PHACTR3: variants seen among roughly 807,000 people sequenced by gnomAD.
The protein encoded by PHACTR3 is phosphatase and actin regulator 3.
A neutral mutation model predicts 66.8 loss-of-function variants in PHACTR3; 16 were observed. The ratio of observed to expected loss-of-function variants is 0.24; its 90% CI spans 0.16 to 0.36. The LOEUF (loss-of-function observed/expected upper bound fraction) is 0.36. PHACTR3 is among the 10% of genes least tolerant of loss of function. PHACTR3 has a pLI of 1.00. For missense variants in PHACTR3, 647 were observed against 719.9 expected (o/e 0.90, Z 1.16); for synonymous variants, 323 against 292.1 (o/e 1.11, Z -1.08).
intron 4 of PHACTR3, among the ~76,000 whole-genome samples, chr20:59,764,989 G>T (rs993042492): frequency 6.6e-6 from 1 of 152,136 alleles, no homozygotes. Flanking sequence ...AAGAATGAGG[G>T]TGTCCACTTG....
chr20:59,814,122 C>T (rs1243857793), intron 8 of PHACTR3, among the ~76,000 whole-genome samples: 1 of 152,208 alleles, frequency 6.6e-6, no homozygotes, highest in Non-Finnish European at 1.5e-5. Flanking sequence ...CGAGAAGCAG[C>T]CAGGGCTCCC....
At chr20:59,618,195 CAA>C (rs1028598803) in intron 1 of PHACTR3, among the ~76,000 whole-genome samples, 3 of 152,222 alleles carry the variant, frequency 2.0e-5, no homozygotes, top group Admixed American at 2.0e-4. Context: ...GAGCCAGAGG[CAA>C]GAGAGAAGCA....
At chr20:59,770,310 G>A (rs976861467) in intron 5 of PHACTR3, among the ~76,000 whole-genome samples, 1 of 152,234 alleles carries the variant, frequency 6.6e-6, no homozygotes, top group Non-Finnish European at 1.5e-5. Context: ...TTCCTGCACA[G>A]ACTACATTTT....
chr20:59,658,071 A>G (rs2035681932), intron 1 of PHACTR3, among the ~76,000 whole-genome samples: 2 of 152,052 alleles, frequency 1.3e-5, no homozygotes, highest in Admixed American at 6.6e-5. Flanking sequence ...TTTTCTACCA[A>G]TTCAACAAAG....
At chr20:59,840,097 A>G (rs562143950) in intron 9 of PHACTR3, among the ~76,000 whole-genome samples, 2 of 152,324 alleles carry the variant, frequency 1.3e-5, no homozygotes, top group South Asian at 4.1e-4. Flanking sequence ...AACAGCAGCC[A>G]TATCTGTGGT....
intron 1 of PHACTR3, among the ~76,000 whole-genome samples, chr20:59,734,698 G>A (rs141510400): frequency 4.1e-4 from 62 of 152,182 alleles, no homozygotes; most frequent in African/African-American, 1.4e-3. Flanking sequence ...AATTTTATAT[G>A]TGGAAATTTT....
At chr20:59,821,368 G>C (rs1026501482) in intron 8 of PHACTR3, among the ~76,000 whole-genome samples, 7 of 152,152 alleles carry the variant, frequency 4.6e-5, no homozygotes, top group Non-Finnish European at 8.8e-5. Context: ...CCTTATGCCG[G>C]TGTTGATCCT....
intron 1 of PHACTR3, among the ~76,000 whole-genome samples, chr20:59,653,450 C>T (rs2035523222): frequency 6.6e-6 from 1 of 152,106 alleles, no homozygotes; most frequent in South Asian, 2.1e-4. Flanking sequence ...CCCAAAAGTG[C>T]TAGGATTACA....
intron 1 of PHACTR3, among the ~76,000 whole-genome samples, chr20:59,670,245 G>T (rs1007070815): frequency 6.6e-6 from 1 of 152,230 alleles, no homozygotes; most frequent in African/African-American, 2.4e-5. Flanking sequence ...GGAAGAAGGA[G>T]TGATGGGTGC....
chr20:59,841,872 C>T (rs2059069636), intron 11 of PHACTR3, among the ~76,000 whole-genome samples: 1 of 152,016 alleles, frequency 6.6e-6, no homozygotes, highest in Admixed American at 6.6e-5. Flanking sequence ...TATCTAGTAC[C>T]AAATGTCAAG....
intron 1 of PHACTR3, among the ~76,000 whole-genome samples, chr20:59,688,379 G>C (rs1238570629): frequency 6.6e-6 from 1 of 152,168 alleles, no homozygotes; most frequent in Middle Eastern, 3.2e-3. Context: ...CTTATCCCTG[G>C]TGGAACAGCA....
chr20:59,797,384 G>T, intron 7 of PHACTR3, among the ~76,000 whole-genome samples: 1 of 151,294 alleles, frequency 6.6e-6, no homozygotes, highest in Non-Finnish European at 1.5e-5. Flanking sequence ...TTTTTTGGCA[G>T]CATCATGTTT....
At chr20:59,822,828 C>T (rs1324918322) in intron 8 of PHACTR3, among the ~76,000 whole-genome samples, 1 of 152,192 alleles carries the variant, frequency 6.6e-6, no homozygotes, top group African/African-American at 2.4e-5. Flanking sequence ...GTGGAACAGC[C>T]GCCAGGGCAG....
At position 59,755,280 on chromosome 20, in the gene PHACTR3, C is replaced by A. The variant is rs772976294; in HGVS notation, c.457C>A (p.Gln153Lys). ...KSETLTSEDAQPGSPLATGTD... is the reference protein window; with the variant it reads ...KSETLTSEDAKPGSPLATGTD... ...GGAGACGCTGACTTCAGAAGATGCC[C>A]AGCCCGGAAGCCCCTTGGCCACTGG... The change falls in exon 4 of 13, where the codon CAG (glutamine) becomes AAG (lysine). Residue 153 changes from glutamine to lysine, a missense_variant. Around this residue, in one of 2 missense-constraint regions of PHACTR3, gnomAD observed 577 missense variants for 571.1 expected, o/e 1.01. Coordinates refer to ENST00000371015, the MANE Select transcript of PHACTR3 (RefSeq NM_080672.5). The A allele has an allele frequency of 2.5e-6, 4 of 1,613,600 alleles. No homozygotes were observed. In the African/African-American group the frequency reaches 4.0e-5, roughly 16 times the overall value.
At chr20:59,833,376 T>C (rs1246226572) in intron 8 of PHACTR3, among the ~76,000 whole-genome samples, 1 of 152,244 alleles carries the variant, frequency 6.6e-6, no homozygotes, top group African/African-American at 2.4e-5. Flanking sequence ...AATGCTTTTC[T>C]GGGAACATGG....
chr20:59,757,820 A>G (rs1260795533), intron 4 of PHACTR3, among the ~76,000 whole-genome samples: 1 of 152,132 alleles, frequency 6.6e-6, no homozygotes, highest in Non-Finnish European at 1.5e-5. Context: ...TTTGGTTTTA[A>G]TTAGCTGAGT....
chr20:59,781,832 G>A (rs1042818170), intron 7 of PHACTR3, among the ~76,000 whole-genome samples: 1 of 152,098 alleles, frequency 6.6e-6, no homozygotes, highest in Admixed American at 6.5e-5. Context: ...AGCACAGGGG[G>A]GTTCTAGTGC....
chr20:59,752,652 T>A (rs2039639657), intron 3 of PHACTR3, among the ~76,000 whole-genome samples: 1 of 142,078 alleles, frequency 7.0e-6, no homozygotes, highest in Non-Finnish European at 1.6e-5. Flanking sequence ...TCTGGAGACC[T>A]CTGGGCCTTC....
chr20:59,746,392 G>T (rs2039373272), intron 2 of PHACTR3, among the ~76,000 whole-genome samples: 1 of 152,194 alleles, frequency 6.6e-6, no homozygotes, highest in South Asian at 2.1e-4. Context: ...TGCCTGTCTT[G>T]CTCATGGCAG....
Sources: allele counts gnomAD v4.1 joint callset (sites outside exome capture counted in the v4.1 genomes callset), GRCh38; gene constraint gnomAD v4.1.1; regional missense constraint gnomAD v4.1.1; transcripts MANE v1.5; gene names NCBI Gene and HGNC (gene_info 2026-07-23, HGNC 2026-07-21).